Variants in POTEC observed in about 807,000 individuals in gnomAD.
POTEC encodes POTE ankyrin domain family member C.
A neutral mutation model predicts 62.0 loss-of-function variants in POTEC; 35 were observed. That is an observed-to-expected ratio of 0.56 (90% CI 0.43 to 0.75). The LOEUF is 0.75. Ranked by LOEUF, POTEC falls within the 30% of genes least tolerant of loss-of-function variation. The pLI, the probability that POTEC is intolerant of heterozygous loss-of-function variation, is 0.00. For synonymous variants in POTEC, 156 were observed against 221.5 expected (o/e 0.70, Z 2.62); for missense variants, 472 against 655.9 (o/e 0.72, Z 3.06).
intron 3 of POTEC, among the ~76,000 whole-genome samples, chr18:14,537,197 ACACACACACACAC>A (rs1377312885): frequency 2.6e-4 from 22 of 84,660 alleles, no homozygotes; most frequent in African/African-American, 1.5e-3. Context: ...ACACACACAC[ACACACACACACAC>A]AAAAAAAAAA....
At chr18:14,530,080 C>A (rs1296485187) in intron 6 of POTEC, among the ~76,000 whole-genome samples, 1 of 151,752 alleles carries the variant, frequency 6.6e-6, no homozygotes, top group Non-Finnish European at 1.5e-5. Flanking sequence ...TGAACTCTGC[C>A]TCCAGTCAGA....
chr18:14,515,211 C>A (rs974704711), intron 9 of POTEC, among the ~76,000 whole-genome samples: 1 of 152,176 alleles, frequency 6.6e-6, no homozygotes, highest in Non-Finnish European at 1.5e-5. Flanking sequence ...AGCTGCCATT[C>A]ATGTAGAACC....
At chr18:14,529,293 G>A (rs1905422481) in intron 6 of POTEC, among the ~76,000 whole-genome samples, 1 of 152,038 alleles carries the variant, frequency 6.6e-6, no homozygotes, top group Admixed American at 6.6e-5. Flanking sequence ...TTAGAAAAAT[G>A]ATTAGTATCT....
rs1439893697 is a variant in POTEC, at chr18:14,508,927, C to A, written c.*2971G>T. 1 of 152,118 alleles carries A rather than the reference C, an allele frequency of 6.6e-6. No individual in the cohort carries two copies. The highest frequency in any genetic ancestry group is 6.5e-5 in the Admixed American group (1 of 15,268). 9.4% of individuals were successfully genotyped at this position (152,118 alleles called of 1,614,324 possible). ...ATTTTTCCTTTATTATATCTGATGACCTTGAGGATTTGATTGTGGTGTAAG... is the reference window on the plus strand; with the variant it reads ...ATTTTTCCTTTATTATATCTGATGAACTTGAGGATTTGATTGTGGTGTAAG... On this transcript the variant is annotated 3_prime_UTR_variant, in exon 11 of 11. Transcript: ENST00000358970.
At chr18:14,517,901 A>G (rs7506612) in intron 9 of POTEC, among the ~76,000 whole-genome samples, 2,080 of 152,228 alleles carry the variant, frequency 0.014, 50 homozygotes, top group African/African-American at 0.048. Context: ...AATTCCTCTG[A>G]CTCAGTTTGC....
intron 3 of POTEC, among the ~76,000 whole-genome samples, chr18:14,535,708 T>C (rs1186943191): frequency 6.6e-6 from 1 of 151,848 alleles, no homozygotes; most frequent in Non-Finnish European, 1.5e-5. Flanking sequence ...CAGCTTCAAT[T>C]GAAAAAAAAG....
intron 4 of POTEC, among the ~76,000 whole-genome samples, 155 bp from the exon 5 acceptor site, chr18:14,533,353 G>A (rs891219557): frequency 6.6e-6 from 1 of 152,104 alleles, no homozygotes; most frequent in East Asian, 1.9e-4. Context: ...GTGCTCAAGA[G>A]TTCATCTTTG....
chr18:14,513,566 T>C, intron 10 of POTEC, 96 bp downstream of exon 10: 1 of 1,500,582 alleles, frequency 6.7e-7, no homozygotes, highest in Non-Finnish European at 8.9e-7. Flanking sequence ...CACGTGTGTA[T>C]ATATGTGATT....
chr18:14,511,647 T>C lies in POTEC; in HGVS notation c.*251A>G, dbSNP rs1013434068. On this transcript the variant is annotated 3_prime_UTR_variant, in exon 11 of 11. Coordinates refer to ENST00000358970, the MANE Select transcript of POTEC (RefSeq NM_001137671.2). ...TGATCACAATCATGTAGAGCAGTAG[T>C]CAGTCTACAATGACATGATTGAATT... The C allele has an allele frequency of 1.8e-6, 1 of 569,486 alleles. No homozygotes were observed. 35.3% of individuals were successfully genotyped at this position (569,486 alleles called of 1,614,324 possible).
rs187607024 is a variant in POTEC, at chr18:14,528,763, G to T, written c.1126+1720C>A. On this transcript the variant is annotated intron_variant, in intron 6 of 10. Transcript: ENST00000358970. ...AAGCATTGTACCTGGTAAATTTCCC[G>T]TGGCCCACAGGGTAAGACCTACTCA... is the stretch of plus-strand genomic sequence containing the variant. The T allele has an allele frequency of 2.5e-3, 812 of 322,932 alleles. 7 individuals carry two copies. The highest frequency in any genetic ancestry group is 0.013 in the African/African-American group (592 of 44,872). The allele number at this position is 322,932 out of a possible 1,614,324, so 20.0% of individuals were successfully genotyped here. A position where few individuals can be genotyped will look rare whatever the true frequency, so the allele number is the denominator to read the frequency against.
chr18:14,526,184 C>T (rs1304510555), intron 6 of POTEC, among the ~76,000 whole-genome samples: 2 of 152,028 alleles, frequency 1.3e-5, no homozygotes, highest in Non-Finnish European at 2.9e-5. Flanking sequence ...AGGTGTGAGC[C>T]ACCACACCCA....
Position 14,522,268 on chromosome 18 carries a change from A to G in POTEC, c.1395T>C (p.Asn465=). Residue 465 remains asparagine (N), a synonymous_variant, in exon 9 of 11, where the codon AAT becomes AAC. Coordinates refer to ENST00000358970, the MANE Select transcript of POTEC (RefSeq NM_001137671.2). ...PENQQFPDTE[N]EEYHSDEQND... is the part of the protein sequence containing the mutation. Reference sequence around the variant, plus strand: ...CATAGGCTTACCTGTGATACTCTTCATTCTCAGTGTCAGGAAATTGCTGAT... The same window carrying G: ...CATAGGCTTACCTGTGATACTCTTCGTTCTCAGTGTCAGGAAATTGCTGAT... 6.4e-7 allele frequency: 1 copy of G among 1,573,188 alleles called. No homozygotes were observed.
chr18:14,543,134 C>T lies in POTEC; in HGVS notation c.13G>A (p.Val5Ile), dbSNP rs773469878. 2.5e-6 allele frequency: 4 copies of T among 1,613,904 alleles called. No individual in the cohort carries two copies. The South Asian group carries it at 4.4e-5, about 18-fold the overall frequency. MVTE[V>I]CSMPAASAVK... is the part of the protein sequence containing the mutation. ...GCAGAGGCAGCGGGCATTGAACAAACCTCAGTCACCATCTGCTTTTAACAG... is the reference window on the plus strand; with the variant it reads ...GCAGAGGCAGCGGGCATTGAACAAATCTCAGTCACCATCTGCTTTTAACAG... Residue 5 changes from valine to isoleucine, a missense_variant, in exon 1 of 11, where the codon GTT (valine) becomes ATT (isoleucine). Physicochemically the swap from Val to Ile is conservative, Grantham distance 29. Around this residue, in one of 5 missense-constraint regions of POTEC, gnomAD observed 257 missense variants for 250.7 expected, o/e 1.03. Coordinates refer to ENST00000358970, the MANE Select transcript of POTEC (RefSeq NM_001137671.2).
rs182407564 is a variant in POTEC at position 14,533,906 on chromosome 18, T to G, written c.918-708A>C. Among the ~76,000 whole-genome samples the G allele has an allele frequency of 3.2e-4, 49 of 152,056 alleles. 3 individuals carry two copies. In the East Asian group the frequency reaches 7.6e-3, roughly 23 times the overall value. On this transcript the variant is annotated intron_variant, in intron 4 of 10. Coordinates refer to ENST00000358970, the MANE Select transcript of POTEC (RefSeq NM_001137671.2). ...TTTTTTTCCATGCCCAGCTAGTTTT[T>G]TTTTTGTTTTTGTTTTGTTATTTTT...
At chr18:14,537,373 C>A (rs1905777504) in intron 3 of POTEC, among the ~76,000 whole-genome samples, 1 of 151,826 alleles carries the variant, frequency 6.6e-6, no homozygotes, top group Non-Finnish European at 1.5e-5. Context: ...AGATACATCA[C>A]CTCATATCTA....
chr18:14,529,663 C>T (rs1905433292), intron 6 of POTEC, among the ~76,000 whole-genome samples: 1 of 152,102 alleles, frequency 6.6e-6, no homozygotes, highest in Admixed American at 6.5e-5. Context: ...TTTATTATGA[C>T]AATCTTTTGG....
Position 14,510,077 on chromosome 18 carries a change from C to A in POTEC, c.*1821G>T, listed in dbSNP as rs1376578500. On this transcript the variant is annotated 3_prime_UTR_variant, in exon 11 of 11. Coordinates refer to ENST00000358970, the MANE Select transcript of POTEC (RefSeq NM_001137671.2). ...GCTGCTCCACTACTTTCCTTGTCTC[C>A]TGGGGGCTCCACCCCAGAGAGGTGT... The A allele has an allele frequency of 6.7e-6, 1 of 149,246 alleles. No homozygotes were observed. Among genetic ancestry groups the A allele is most frequent in the Non-Finnish European group, 1.5e-5 (1 of 67,608 alleles). The allele number at this position is 149,246 out of a possible 1,614,324, so 9.2% of individuals were successfully genotyped here. A position where few individuals can be genotyped will look rare whatever the true frequency, so the allele number is the denominator to read the frequency against.
At chr18:14,526,573 G>A (rs1215456329) in intron 6 of POTEC, among the ~76,000 whole-genome samples, 1 of 152,110 alleles carries the variant, frequency 6.6e-6, no homozygotes, top group Non-Finnish European at 1.5e-5. Flanking sequence ...TAGATTAAAA[G>A]TGGTAGAGGG....
intron 4 of POTEC, among the ~76,000 whole-genome samples, chr18:14,533,955 G>C (rs1598480991): frequency 6.8e-6 from 1 of 147,424 alleles, no homozygotes; most frequent in South Asian, 2.2e-4. Flanking sequence ...TTAAGTTTTA[G>C]GGTACATGTG....
Sources: gnomAD v4.1 joint callset for allele counts (sites outside exome capture counted in the v4.1 genomes callset) on GRCh38, gnomAD v4.1.1 for gene constraint, gnomAD v4.1.1 regional missense constraint, MANE v1.5 for transcripts, NCBI Gene and HGNC (gene_info 2026-07-23, HGNC 2026-07-21) for gene names.